TASP1: variants seen among roughly 807,000 people sequenced by gnomAD.
The protein encoded by TASP1 is taspase 1, also known as threonine aspartase 1.
Under a neutral mutation model 56.6 loss-of-function variants are expected in TASP1, and 16 were observed. The observed-to-expected ratio is 0.28, with a 90% confidence interval of 0.19 to 0.43. The LOEUF (loss-of-function observed/expected upper bound fraction) is 0.43, where lower values mean the gene tolerates loss of function less well. TASP1 is among the 20% of genes least tolerant of loss of function. TASP1 has a pLI of 1.00. For synonymous variants in TASP1, 179 were observed against 184.2 expected (o/e 0.97, Z 0.23); for missense variants, 393 against 511.6 (o/e 0.77, Z 2.24).
the TASP1 span, among the ~76,000 whole-genome samples, chr20:13,324,117 G>A: frequency 6.6e-6 from 1 of 152,148 alleles, no homozygotes; most frequent in African/African-American, 2.4e-5. Flanking sequence ...TAACTTTCAG[G>A]TACTATCCCT....
intron 10 of TASP1, among the ~76,000 whole-genome samples, chr20:13,515,001 C>A (rs1320777324): frequency 6.6e-6 from 1 of 152,084 alleles, no homozygotes; most frequent in Non-Finnish European, 1.5e-5. Flanking sequence ...CCAAATTAAC[C>A]AGCCATCATG....
intron 8 of TASP1, among the ~76,000 whole-genome samples, chr20:13,547,099 T>G (rs2045835040): frequency 6.6e-6 from 1 of 152,168 alleles, no homozygotes; most frequent in Non-Finnish European, 1.5e-5. Context: ...ATTAGTAATG[T>G]CAACTGAGTA....
chr20:13,199,466 A>G, the TASP1 span, among the ~76,000 whole-genome samples: 1 of 152,122 alleles, frequency 6.6e-6, no homozygotes, highest in South Asian at 2.1e-4. Context: ...GTGAAACATG[A>G]GACCCACCTC....
At chr20:13,634,751 G>T (rs2049232820) in intron 1 of TASP1, among the ~76,000 whole-genome samples, 2 of 142,812 alleles carry the variant, frequency 1.4e-5, no homozygotes. Context: ...AAAAAAGCCT[G>T]GGCTCAGTGG....
At chr20:13,622,920 T>C (rs1440634772) in intron 4 of TASP1, among the ~76,000 whole-genome samples, 2 of 152,024 alleles carry the variant, frequency 1.3e-5, no homozygotes, top group African/African-American at 2.4e-5. Flanking sequence ...TATAAAAAAT[T>C]ATGGCAAACG....
At chr20:13,130,246 C>T in the TASP1 span, among the ~76,000 whole-genome samples, 1 of 152,236 alleles carries the variant, frequency 6.6e-6, no homozygotes. Flanking sequence ...GATAGACTCA[C>T]TCTCAGGGTA....
the TASP1 span, among the ~76,000 whole-genome samples, chr20:13,218,246 CA>C: frequency 0.025 from 1,830 of 72,298 alleles, 80 homozygotes; most frequent in East Asian, 0.27. Flanking sequence ...GTGACTCTGT[CA>C]AAAAAAAAAA....
intron 8 of TASP1, among the ~76,000 whole-genome samples, chr20:13,543,677 T>A (rs895636512): frequency 6.6e-6 from 1 of 152,114 alleles, no homozygotes; most frequent in Non-Finnish European, 1.5e-5. Context: ...TACACACATT[T>A]CTCCACAATA....
chr20:13,136,629 T>G, the TASP1 span, among the ~76,000 whole-genome samples: 1 of 145,076 alleles, frequency 6.9e-6, no homozygotes, highest in African/African-American at 2.6e-5. Flanking sequence ...AATATACATA[T>G]AAAAATTATA....
At chr20:13,392,964 G>T in intron 13 of TASP1, 2 of 599,446 alleles carry the variant, frequency 3.3e-6, no homozygotes. Context: ...ACATTATGGA[G>T]CCCACCAGTA....
chr20:13,221,894 G>GCC, the TASP1 span: 1 of 1,384,716 alleles, frequency 7.2e-7, no homozygotes, highest in African/African-American at 1.5e-5. Context: ...CGCGGGCAAC[G>GCC]CCAGCCAAGC....
intron 7 of TASP1, 81 bp downstream of exon 7, chr20:13,569,426 T>C: frequency 9.3e-7 from 1 of 1,080,746 alleles, no homozygotes; most frequent in South Asian, 1.4e-5. Flanking sequence ...ATATCTGTAC[T>C]ACATGGGTCA....
intron 5 of TASP1, among the ~76,000 whole-genome samples, chr20:13,584,051 C>A (rs1568612832): frequency 6.6e-6 from 1 of 152,142 alleles, no homozygotes; most frequent in Non-Finnish European, 1.5e-5. Context: ...TGCACTCCAA[C>A]CTCGGCCAAC....
At chr20:13,565,401 G>T (rs891581885) in intron 7 of TASP1, among the ~76,000 whole-genome samples, 3 of 152,086 alleles carry the variant, frequency 2.0e-5, no homozygotes, top group African/African-American at 7.2e-5. Context: ...ACAATCAATG[G>T]AGTGAAAAGG....
intron 7 of TASP1, among the ~76,000 whole-genome samples, chr20:13,561,314 CT>C (rs1382437883): frequency 6.6e-6 from 1 of 152,034 alleles, no homozygotes; most frequent in African/African-American, 2.4e-5. Flanking sequence ...AAAAGCTAGT[CT>C]TACTGTAATT....
intron 11 of TASP1, among the ~76,000 whole-genome samples, chr20:13,453,139 T>C (rs1407326792): frequency 6.6e-6 from 1 of 151,792 alleles, no homozygotes; most frequent in African/African-American, 2.4e-5. Flanking sequence ...ACTAGATCTA[T>C]GGAGGAGGAG....
At chr20:13,259,757 C>T in the TASP1 span, among the ~76,000 whole-genome samples, 1 of 152,062 alleles carries the variant, frequency 6.6e-6, no homozygotes, top group Non-Finnish European at 1.5e-5. Context: ...TAGTCTGGGC[C>T]CTAATCAATA....
At chr20:13,108,289 C>A in the TASP1 span, among the ~76,000 whole-genome samples, 1 of 152,216 alleles carries the variant, frequency 6.6e-6, no homozygotes, top group East Asian at 1.9e-4. Flanking sequence ...ATATTCACAA[C>A]TCTATTTCAA....
chr20:13,475,046 A>T (rs1038855662), intron 11 of TASP1, among the ~76,000 whole-genome samples: 9 of 152,188 alleles, frequency 5.9e-5, no homozygotes, highest in Non-Finnish European at 1.2e-4. Context: ...AAATAGAACA[A>T]ACATCCATTA....
Sources: gnomAD v4.1 joint callset for allele counts (sites outside exome capture counted in the v4.1 genomes callset) on GRCh38, gnomAD v4.1.1 for gene constraint, MANE v1.5 for transcripts, NCBI Gene and HGNC (gene_info 2026-07-23, HGNC 2026-07-21) for gene names.